IPCEF1: variants seen among roughly 807,000 people sequenced by gnomAD.
The protein encoded by IPCEF1 is interactor protein for cytohesin exchange factors 1.
A neutral mutation model predicts 50.9 loss-of-function variants in IPCEF1; 31 were observed. That is an observed-to-expected ratio of 0.61 (90% CI 0.46 to 0.82). The LOEUF is 0.82. Among genes scored for constraint, IPCEF1 ranks in the 40% least tolerant of loss-of-function variants. The pLI is 0.00. For missense variants in IPCEF1, 458 were observed against 514.0 expected (o/e 0.89, Z 1.05); for synonymous variants, 181 against 192.0 (o/e 0.94, Z 0.47).
rs371121093 is a variant in IPCEF1 at position 154,203,935 on chromosome 6, G to A, written c.538-3895C>T. Among the ~76,000 whole-genome samples, 34 of 152,158 alleles carry A rather than the reference G, an allele frequency of 2.2e-4. 1 individual carries two copies. The East Asian group carries it at 5.0e-3, about 22-fold the overall frequency. ...CGAATCCCAGGATCAAGGGGCTATC[G>A]GTGCCAATTACAATGCAAATAGCCT... On this transcript the variant is annotated intron_variant, in intron 9 of 11. Transcript: ENST00000367220.
intron 1 of IPCEF1, among the ~76,000 whole-genome samples, chr6:154,354,996 T>TCACACACA (rs56281024): frequency 2.0e-5 from 3 of 147,496 alleles, no homozygotes; most frequent in South Asian, 2.2e-4. Context: ...GGATTTTTCT[T>TCACACACA]CACACACACA....
At chr6:154,201,092 C>T (rs1777033540) in intron 9 of IPCEF1, among the ~76,000 whole-genome samples, 1 of 152,152 alleles carries the variant, frequency 6.6e-6, no homozygotes, top group African/African-American at 2.4e-5. Context: ...GTAAGATGTG[C>T]CTTGTTTCCC....
Position 154,159,571 on chromosome 6 carries a change from G to A in IPCEF1, c.*257C>T, listed in dbSNP as rs924101051. On this transcript the variant is annotated 3_prime_UTR_variant, in exon 12 of 12. Coordinates refer to ENST00000367220, the MANE Select transcript of IPCEF1 (RefSeq NM_001130700.2). ...ATCCCCCCTAGAGCCCCACATCACC[G>A]TGAGCTCCCAGTAGGAACACAAAAA... The A allele has an allele frequency of 1.2e-4, 57 of 483,072 alleles. No individual in the cohort carries two copies. Among genetic ancestry groups the A allele is most frequent in the African/African-American group, 1.4e-4 (7 of 49,580 alleles). The allele number at this position is 483,072 out of a possible 1,614,324, so 29.9% of individuals were successfully genotyped here.
chr6:154,300,737 C>T (rs905517025), intron 1 of IPCEF1, among the ~76,000 whole-genome samples: 2 of 152,194 alleles, frequency 1.3e-5, no homozygotes, highest in Non-Finnish European at 2.9e-5. Flanking sequence ...TCCCCATGGG[C>T]TTTGAAGAAA....
Position 154,270,046 on chromosome 6 carries a change from G to A in IPCEF1, c.-17-4082C>T, listed in dbSNP as rs148959791. ...TTTCAGTATTCACAGTCCTTTCTGA[G>A]AATATCAGTTTAAGCAAAGTGCCTA... is the stretch of plus-strand genomic sequence containing the variant. On this transcript the variant is annotated intron_variant, in intron 2 of 11. Coordinates refer to ENST00000367220, the MANE Select transcript of IPCEF1 (RefSeq NM_001130700.2). Among the ~76,000 whole-genome samples the A allele has an allele frequency of 1.3e-3, 197 of 152,264 alleles. 1 individual carries two copies. Among genetic ancestry groups the A allele is most frequent in the African/African-American group, 4.4e-3 (183 of 41,560 alleles).
intron 10 of IPCEF1, among the ~76,000 whole-genome samples, chr6:154,180,524 G>A (rs925548005): frequency 2.6e-5 from 4 of 151,690 alleles, no homozygotes; most frequent in African/African-American, 9.7e-5. Flanking sequence ...CCAAATGAAT[G>A]TGCTGCTCCC....
intron 9 of IPCEF1, among the ~76,000 whole-genome samples, chr6:154,204,480 GT>G (rs1320874266): frequency 1.3e-5 from 2 of 152,146 alleles, no homozygotes; most frequent in Non-Finnish European, 2.9e-5. Flanking sequence ...GTCAATTGTT[GT>G]TAAGCCCCAG....
At chr6:154,221,847 C>T (rs1023255352) in intron 6 of IPCEF1, among the ~76,000 whole-genome samples, 2 of 152,164 alleles carry the variant, frequency 1.3e-5, no homozygotes, top group African/African-American at 4.8e-5. Context: ...GCACTCCAGT[C>T]TGGGTGACAG....
chr6:154,232,790 T>C (rs1180866919), intron 5 of IPCEF1, among the ~76,000 whole-genome samples: 4 of 152,018 alleles, frequency 2.6e-5, no homozygotes, highest in Non-Finnish European at 4.4e-5. Flanking sequence ...ATAACCAGCT[T>C]CTCCAGACTA....
intron 10 of IPCEF1, among the ~76,000 whole-genome samples, chr6:154,177,671 A>G (rs1393515223): frequency 2.0e-5 from 3 of 152,266 alleles, no homozygotes; most frequent in African/African-American, 7.2e-5. Context: ...AGAAATAGGA[A>G]CACTTTTACA....
At chr6:154,242,556 C>G (rs930493424) in intron 5 of IPCEF1, among the ~76,000 whole-genome samples, 1 of 152,088 alleles carries the variant, frequency 6.6e-6, no homozygotes, top group African/African-American at 2.4e-5. Context: ...GCAAGTCTGA[C>G]AAGCAAGTAC....
chr6:154,289,917 G>C (rs1782470647), intron 1 of IPCEF1, among the ~76,000 whole-genome samples, 161 bp from the exon 2 acceptor site: 1 of 152,134 alleles, frequency 6.6e-6, no homozygotes, highest in African/African-American at 2.4e-5. Flanking sequence ...GATAATGTTA[G>C]GGTAGACAGC....
At position 154,168,100 on chromosome 6, in the gene IPCEF1, C is replaced by A; in HGVS notation, c.924G>T (p.Val308=). The A allele has an allele frequency of 6.5e-7, 1 of 1,546,272 alleles. No homozygotes were observed. The highest frequency in any genetic ancestry group is 1.2e-5 in the South Asian group (1 of 80,664). The part of the protein sequence containing the change: ...SKIMDKEETK[V]SEDDEMEKLY... ...GCTTCTCCATTTCATCATCTTCAGA[C>A]ACTTTTGTCTCTTCTATTTGAAAAA... Residue 308 remains valine, a synonymous_variant, in exon 11 of 12, where the codon GTG becomes GTT. Coordinates refer to ENST00000367220, the MANE Select transcript of IPCEF1 (RefSeq NM_001130700.2). The surrounding 1 kb of genome is among the most constrained non-coding windows in gnomAD (Gnocchi z 4.1).
chr6:154,260,025 G>A (rs1035537210), intron 3 of IPCEF1, among the ~76,000 whole-genome samples: 3 of 152,166 alleles, frequency 2.0e-5, no homozygotes, highest in Admixed American at 6.5e-5. Context: ...TGGAGTGAGC[G>A]GTGAGACATG....
At chr6:154,310,386 G>C (rs941212140) in intron 1 of IPCEF1, among the ~76,000 whole-genome samples, 4 of 152,228 alleles carry the variant, frequency 2.6e-5, no homozygotes, top group Admixed American at 6.5e-5. Context: ...CTAGAGGAAG[G>C]GGAGGAGGTC....
chr6:154,266,207 T>C (rs1044045861), intron 2 of IPCEF1, among the ~76,000 whole-genome samples: 9 of 151,872 alleles, frequency 5.9e-5, no homozygotes, highest in African/African-American at 1.7e-4. Context: ...AACAACATAG[T>C]GAGACCCTGT....
chr6:154,265,825 C>T (rs1414086455), intron 3 of IPCEF1, 87 bp downstream of exon 3: 2 of 915,112 alleles, frequency 2.2e-6, no homozygotes, highest in Non-Finnish European at 3.4e-6. Flanking sequence ...CAATAAATTG[C>T]TAGCCAAACT....
chr6:154,192,883 G>A (rs1802044126), intron 10 of IPCEF1, among the ~76,000 whole-genome samples: 1 of 152,092 alleles, frequency 6.6e-6, no homozygotes, highest in African/African-American at 2.4e-5. Flanking sequence ...TTGGTGTGGA[G>A]GTGGTGAACA....
intron 7 of IPCEF1, among the ~76,000 whole-genome samples, chr6:154,215,632 A>T (rs1044150634): frequency 1.1e-4 from 17 of 152,072 alleles, no homozygotes; most frequent in South Asian, 2.1e-4. Context: ...AATAAAATTT[A>T]AAAAAATAAA....
Sources: gnomAD v4.1 joint callset for allele counts (sites outside exome capture counted in the v4.1 genomes callset) on GRCh38, gnomAD v4.1.1 for gene constraint, Gnocchi (gnomAD v3.1) non-coding constraint, MANE v1.5 for transcripts, NCBI Gene and HGNC (gene_info 2026-07-23, HGNC 2026-07-21) for gene names.